The following CNTNAP4 variants were observed in gnomAD, a reference collection of about 807,000 sequenced individuals.
CNTNAP4 encodes the protein contactin-associated protein-like 4.
Under a neutral mutation model 148.4 loss-of-function variants are expected in CNTNAP4, and 98 were observed. The observed-to-expected ratio is 0.66, with a 90% CI of 0.56 to 0.78. The LOEUF (loss-of-function observed/expected upper bound fraction) is 0.78. Among genes scored for constraint, CNTNAP4 ranks in the 30% least tolerant of loss-of-function variants. The pLI is 0.00. For synonymous variants in CNTNAP4, 730 were observed against 565.1 expected, an observed-to-expected ratio of 1.29 and a Z score of -4.14; for missense variants, 1,935 against 1,565.6, an observed-to-expected ratio of 1.24 and a Z score of -3.98.
At position 76,355,349 on chromosome 16, in the gene CNTNAP4, C is replaced by T. The variant is rs750634133; in HGVS notation, c.228C>T (p.Asn76=). The stretch of plus-strand genomic sequence containing the variant: ...GTGGCTGGTCTCCACTTGTGTCTAA[C>T]AAATACCAGTGGTTGCAGATTGACC... ...GAGGWSPLVS[N]KYQWLQIDLG... is the part of the protein sequence containing the mutation. Residue 76 remains asparagine, a synonymous_variant, in exon 3 of 24, where the codon AAC becomes AAT. Transcript: ENST00000611870. The T allele has an allele frequency of 1.3e-6, 2 of 1,594,468 alleles. No individual in the cohort carries two copies. The highest frequency in any genetic ancestry group is 2.3e-5 in the South Asian group (2 of 88,472).
intron 10 of CNTNAP4, among the ~76,000 whole-genome samples, chr16:76,472,489 G>T (rs1476848423): frequency 6.6e-6 from 1 of 152,048 alleles, no homozygotes; most frequent in Non-Finnish European, 1.5e-5. Context: ...CATGGTTTGA[G>T]GTTTGCTATA....
chr16:76,529,215 C>T (rs748981601), intron 17 of CNTNAP4, among the ~76,000 whole-genome samples: 1 of 152,110 alleles, frequency 6.6e-6, no homozygotes, highest in African/African-American at 2.4e-5. Flanking sequence ...TGGGTCTTTA[C>T]TATCCTTTTC....
intron 3 of CNTNAP4, among the ~76,000 whole-genome samples, chr16:76,418,653 C>A (rs1343499374): frequency 1.3e-5 from 2 of 151,526 alleles, no homozygotes; most frequent in African/African-American, 2.4e-5. Context: ...TTGTTTTAAG[C>A]CCTTGTCTGA....
At chr16:76,327,785 T>C (rs1482113752) in intron 2 of CNTNAP4, among the ~76,000 whole-genome samples, 1 of 152,182 alleles carries the variant, frequency 6.6e-6, no homozygotes, top group Non-Finnish European at 1.5e-5. Flanking sequence ...GACAGAAACT[T>C]TCTGCTTTTG....
At chr16:76,390,463 G>T (rs949840765) in intron 3 of CNTNAP4, among the ~76,000 whole-genome samples, 9 of 151,534 alleles carry the variant, frequency 5.9e-5, no homozygotes, top group Non-Finnish European at 8.8e-5. Flanking sequence ...ACATGTAATT[G>T]TTTCCTCTGA....
chr16:76,315,087 T>A (rs1035558116), intron 1 of CNTNAP4, among the ~76,000 whole-genome samples: 8 of 147,060 alleles, frequency 5.4e-5, no homozygotes, highest in Admixed American at 5.3e-4. Context: ...GTTGTTGTTG[T>A]TTCTTTTACT....
intron 8 of CNTNAP4, among the ~76,000 whole-genome samples, chr16:76,460,072 CTTTTTA>C (rs2080883021): frequency 6.6e-6 from 1 of 151,882 alleles, no homozygotes; most frequent in African/African-American, 2.4e-5. Flanking sequence ...ATTAAAAAAA[CTTTTTA>C]TTTGTTTCTT....
At chr16:76,464,957 C>A (rs930721715) in intron 9 of CNTNAP4, among the ~76,000 whole-genome samples, 2 of 152,124 alleles carry the variant, frequency 1.3e-5, no homozygotes, top group African/African-American at 2.4e-5. Context: ...TCTGTACATT[C>A]CCCTATGGAA....
intron 21 of CNTNAP4, among the ~76,000 whole-genome samples, chr16:76,550,537 A>G (rs560074542): frequency 2.6e-4 from 40 of 152,256 alleles, no homozygotes; most frequent in Non-Finnish European, 3.2e-4. Flanking sequence ...AAAAGGGAAG[A>G]TTTTTTAAAG....
chr16:76,325,609 C>T (rs767296639), intron 2 of CNTNAP4, among the ~76,000 whole-genome samples: 11 of 152,072 alleles, frequency 7.2e-5, no homozygotes, highest in Non-Finnish European at 1.5e-4. Flanking sequence ...TACTGCAAAT[C>T]AGAATTGTGA....
intron 12 of CNTNAP4, among the ~76,000 whole-genome samples, chr16:76,483,241 C>CAT (rs2081906724): frequency 7.3e-6 from 1 of 136,776 alleles, no homozygotes; most frequent in Non-Finnish European, 1.6e-5. Flanking sequence ...AACACACACA[C>CAT]ACACACACAC....
intron 1 of CNTNAP4, among the ~76,000 whole-genome samples, chr16:76,292,707 ATT>A (rs11347655): frequency 9.9e-5 from 15 of 151,604 alleles, no homozygotes; most frequent in African/African-American, 3.4e-4. Flanking sequence ...TATCAAAAAT[ATT>A]TTTTTTTCTG....
At chr16:76,316,203 G>C in intron 1 of CNTNAP4, 1 of 592,610 alleles carries the variant, frequency 1.7e-6, no homozygotes, top group South Asian at 2.2e-5. Flanking sequence ...GATTTTTAAA[G>C]TATTTTCATA....
intron 3 of CNTNAP4, among the ~76,000 whole-genome samples, chr16:76,408,602 A>G (rs1271101595): frequency 6.6e-6 from 1 of 151,988 alleles, no homozygotes; most frequent in Admixed American, 6.6e-5. Flanking sequence ...ATATCCTTAA[A>G]TATTTGTGTG....
chr16:76,443,439 G>T (rs919444642), intron 4 of CNTNAP4, among the ~76,000 whole-genome samples: 4 of 152,060 alleles, frequency 2.6e-5, no homozygotes, highest in African/African-American at 9.7e-5. Flanking sequence ...CAAAAAATTA[G>T]CTGGACATGG....
chr16:76,393,607 C>A (rs1394112529), intron 3 of CNTNAP4, among the ~76,000 whole-genome samples: 5 of 151,960 alleles, frequency 3.3e-5, no homozygotes, highest in African/African-American at 1.2e-4. Context: ...AGTGCCCTAA[C>A]TGCCTGTGGG....
chr16:76,380,397 A>G (rs1385138984), intron 3 of CNTNAP4, among the ~76,000 whole-genome samples: 1 of 152,234 alleles, frequency 6.6e-6, no homozygotes, highest in African/African-American at 2.4e-5. Flanking sequence ...TGATAAAAAT[A>G]AATTGGGGAT....
intron 1 of CNTNAP4, among the ~76,000 whole-genome samples, chr16:76,296,008 T>G (rs1436007927): frequency 6.6e-6 from 1 of 152,098 alleles, no homozygotes; most frequent in Non-Finnish European, 1.5e-5. Context: ...AAATTTTAAG[T>G]GTGTTCATTT....
intron 3 of CNTNAP4, among the ~76,000 whole-genome samples, chr16:76,408,339 A>ATTAAGCTATTGCTTAACAATTAACAGTTG (rs2078673978): frequency 6.6e-6 from 1 of 152,112 alleles, no homozygotes; most frequent in South Asian, 2.1e-4. Context: ...AACTAATTTA[A>ATTAAGCTATTGCTTAACAATTAACAGTTG]TTAAGCTATT....
Sources: gnomAD v4.1 joint callset for allele counts (sites outside exome capture counted in the v4.1 genomes callset) on GRCh38, gnomAD v4.1.1 for gene constraint, MANE v1.5 for transcripts, NCBI Gene and HGNC (gene_info 2026-07-23, HGNC 2026-07-21) for gene names.